DDAH1: variants seen among roughly 807,000 people sequenced by gnomAD.
DDAH1 encodes N(G),N(G)-dimethylarginine dimethylaminohydrolase 1.
In DDAH1, 19 loss-of-function variants were observed where a neutral mutation model predicts 28.8. That is an observed-to-expected ratio of 0.66 (90% CI 0.46 to 0.97). The LOEUF (loss-of-function observed/expected upper bound fraction) is 0.97. Among genes scored for constraint, DDAH1 ranks in the 50% least tolerant of loss-of-function variants. The pLI, the probability that DDAH1 is intolerant of heterozygous loss-of-function variation, is 0.00. For missense variants in DDAH1, 326 were observed against 375.9 expected (o/e 0.87, Z 1.10); for synonymous variants, 153 against 154.4 (o/e 0.99, Z 0.07).
At chr1:85,416,365 T>C (rs569435395) in intron 1 of DDAH1, among the ~76,000 whole-genome samples, 1 of 152,038 alleles carries the variant, frequency 6.6e-6, no homozygotes, top group African/African-American at 2.4e-5. Flanking sequence ...CGGCTAAATT[T>C]TGTATTTTTA....
chr1:85,412,601 A>T (rs1384972791), intron 1 of DDAH1, among the ~76,000 whole-genome samples: 1 of 152,152 alleles, frequency 6.6e-6, no homozygotes, highest in Non-Finnish European at 1.5e-5. Context: ...TGTTGAAGGC[A>T]TCTGTTGAGA....
chr1:85,391,796 T>C (rs1430352059), intron 1 of DDAH1, among the ~76,000 whole-genome samples: 8 of 152,142 alleles, frequency 5.3e-5, no homozygotes, highest in Non-Finnish European at 1.5e-5. Flanking sequence ...CAAAAAACTG[T>C]TGGTATTGGT....
intron 1 of DDAH1, among the ~76,000 whole-genome samples, chr1:85,384,661 T>A (rs562162904): frequency 7.9e-4 from 120 of 152,348 alleles, no homozygotes; most frequent in African/African-American, 2.8e-3. Flanking sequence ...ACTATACACC[T>A]AAACATTGTT....
intron 4 of DDAH1, among the ~76,000 whole-genome samples, chr1:85,343,160 C>CTTTT (rs1294195317): frequency 6.6e-6 from 1 of 152,058 alleles, no homozygotes; most frequent in Non-Finnish European, 1.5e-5. Flanking sequence ...TAATTTATTC[C>CTTTT]TTTTTCCCTT....
chr1:85,537,975 C>T (rs1376346730), intron 1 of DDAH1, among the ~76,000 whole-genome samples: 3 of 152,148 alleles, frequency 2.0e-5, no homozygotes, highest in South Asian at 2.1e-4. Context: ...AAAACCCACA[C>T]ATTAACAGTC....
intron 1 of DDAH1, among the ~76,000 whole-genome samples, chr1:85,369,017 A>C (rs1650226769): frequency 6.7e-6 from 1 of 149,896 alleles, no homozygotes; most frequent in Non-Finnish European, 1.5e-5. Flanking sequence ...GCTGGGTCAG[A>C]GATTCCTTCT....
chr1:85,392,160 G>C (rs936871219), intron 1 of DDAH1, among the ~76,000 whole-genome samples: 1 of 152,086 alleles, frequency 6.6e-6, no homozygotes, highest in Non-Finnish European at 1.5e-5. Context: ...CTAGCAACTT[G>C]AAATCAAGGT....
At chr1:85,497,253 G>A (rs139443356) in intron 1 of DDAH1, among the ~76,000 whole-genome samples, 4 of 152,232 alleles carry the variant, frequency 2.6e-5, no homozygotes, top group South Asian at 2.1e-4. Context: ...TAAAGAAACA[G>A]CCACAAATAG....
intron 1 of DDAH1, among the ~76,000 whole-genome samples, chr1:85,570,664 C>T (rs938935565): frequency 2.6e-5 from 4 of 152,176 alleles, no homozygotes; most frequent in Admixed American, 2.6e-4. Context: ...AGCAAAGAAG[C>T]AAAGATAAGT....
At chr1:85,554,451 A>AT (rs1175677490) in intron 1 of DDAH1, among the ~76,000 whole-genome samples, 1 of 152,098 alleles carries the variant, frequency 6.6e-6, no homozygotes, top group East Asian at 1.9e-4. Flanking sequence ...TAAGAATAAG[A>AT]TTTTGTGGTG....
intron 1 of DDAH1, among the ~76,000 whole-genome samples, chr1:85,413,356 T>C (rs1652746959): frequency 1.3e-5 from 2 of 152,354 alleles, no homozygotes; most frequent in South Asian, 4.1e-4. Context: ...TTCCTGTGTG[T>C]TGTGATAATC....
At position 85,324,808 on chromosome 1, in the gene DDAH1, G is replaced by A. The variant is rs1647270402; in HGVS notation, c.673C>T (p.Leu225=). 6.2e-7 allele frequency: 1 copy of A among 1,614,088 alleles called. No individual in the cohort carries two copies. Among genetic ancestry groups the A allele is most frequent in the East Asian group, 2.2e-5 (1 of 44,880 alleles). The change falls in exon 5 of 6, where the codon CTA becomes TTA. Residue 225 remains leucine, a synonymous_variant. Transcript: ENST00000284031. ...ACGTGCCCTTTGTTGGGGATATTTA[G>A]ATATATACAGTTTGCTGCTATGTCA... ...PDDIAANCIY[L]NIPNKGHVLL...
chr1:85,427,101 C>G (rs1173353607), intron 1 of DDAH1, among the ~76,000 whole-genome samples: 4 of 151,966 alleles, frequency 2.6e-5, no homozygotes, highest in Non-Finnish European at 5.9e-5. Flanking sequence ...ATAGTTAGTG[C>G]CAATTTCCAT....
intron 1 of DDAH1, among the ~76,000 whole-genome samples, chr1:85,422,581 A>G (rs1450456690): frequency 6.6e-6 from 1 of 152,210 alleles, no homozygotes; most frequent in Non-Finnish European, 1.5e-5. Flanking sequence ...TATGAAAGGT[A>G]TAAGGTCTGT....
intron 1 of DDAH1, among the ~76,000 whole-genome samples, chr1:85,507,527 T>TAAATAAATAAATAAACAAACAAACAAAC (rs71075841): frequency 4.0e-5 from 6 of 149,254 alleles, no homozygotes; most frequent in African/African-American, 1.2e-4. Context: ...AATAAATAAA[T>TAAATAAATAAATAAACAAACAAACAAAC]AAACAAACAA....
At chr1:85,452,205 T>A (rs1210356477) in intron 1 of DDAH1, among the ~76,000 whole-genome samples, 2 of 152,182 alleles carry the variant, frequency 1.3e-5, no homozygotes, top group Non-Finnish European at 2.9e-5. Flanking sequence ...CTTTGACACA[T>A]GCCAAAATTC....
At position 85,324,764 on chromosome 1, in the gene DDAH1, C is replaced by T. The variant is rs372168627; in HGVS notation, c.717G>A (p.Pro239=). Reference sequence around the variant, plus strand: ...CCTTTGCACTTTCTGGATACTCTTCCGGGGTTCGGTGCAGCAAGACGTGCC... The same window carrying T: ...CCTTTGCACTTTCTGGATACTCTTCTGGGGTTCGGTGCAGCAAGACGTGCC... ...NKGHVLLHRT[P]EEYPESAKVY... is the part of the protein sequence containing the mutation. Residue 239 remains proline, a synonymous_variant, in exon 5 of 6, where the codon CCG becomes CCA. Transcript: ENST00000284031. 2.3e-5 allele frequency: 37 copies of T among 1,613,952 alleles called. No homozygotes were observed. The highest frequency in any genetic ancestry group is 1.7e-4 in the African/African-American group (13 of 74,892).
At chr1:85,377,306 A>G (rs1370506976) in intron 1 of DDAH1, among the ~76,000 whole-genome samples, 2 of 152,154 alleles carry the variant, frequency 1.3e-5, no homozygotes, top group Admixed American at 6.5e-5. Context: ...AAAGTTTTAG[A>G]ATCATTAATA....
At chr1:85,460,530 T>C (rs1237793199) in intron 1 of DDAH1, among the ~76,000 whole-genome samples, 4 of 152,092 alleles carry the variant, frequency 2.6e-5, no homozygotes, top group Admixed American at 6.5e-5. Flanking sequence ...ACTTGGTACC[T>C]GGGAAAGGAT....
Sources: allele counts gnomAD v4.1 joint callset (sites outside exome capture counted in the v4.1 genomes callset), GRCh38; gene constraint gnomAD v4.1.1; transcripts MANE v1.5; gene names NCBI Gene and HGNC (gene_info 2026-07-23, HGNC 2026-07-21).